The following CYRIB variants were observed in gnomAD, a reference collection of about 807,000 sequenced individuals.
The protein encoded by CYRIB is CYFIP related Rac1 interactor B.
CYRIB carries 8 observed loss-of-function variants against 44.2 expected under a neutral mutation model. The observed-to-expected ratio is 0.18, with a 90% CI of 0.11 to 0.33. CYRIB has a LOEUF of 0.33. Ranked by LOEUF, CYRIB falls within the 10% of genes least tolerant of loss-of-function variation. CYRIB has a pLI of 1.00. For missense variants in CYRIB, 185 were observed against 382.8 expected, an observed-to-expected ratio of 0.48 and a Z score of 4.31; for synonymous variants, 131 against 127.2, an observed-to-expected ratio of 1.03 and a Z score of -0.20.
upstream of CYRIB, among the ~76,000 whole-genome samples, chr8:129,944,532 C>T (rs1033299161): frequency 2.0e-5 from 3 of 152,242 alleles, no homozygotes; most frequent in Admixed American, 1.3e-4. Flanking sequence ...TCTGTAATCC[C>T]AGCAGTGTGA....
chr8:129,997,904 T>C (rs572269009), intron 1 of CYRIB, among the ~76,000 whole-genome samples: 6 of 152,016 alleles, frequency 3.9e-5, no homozygotes, highest in African/African-American at 1.4e-4. Flanking sequence ...GGGCGGATCA[T>C]GAGGTCAAGA....
chr8:129,905,664 C>T (rs1281144625), intron 1 of CYRIB, among the ~76,000 whole-genome samples: 2 of 152,166 alleles, frequency 1.3e-5, no homozygotes, highest in Non-Finnish European at 2.9e-5. Context: ...CTAAGGCCCA[C>T]TGCAGGCTCC....
At chr8:129,990,854 G>A (rs752754602) in intron 1 of CYRIB, among the ~76,000 whole-genome samples, 1 of 152,086 alleles carries the variant, frequency 6.6e-6, no homozygotes, top group Non-Finnish European at 1.5e-5. Flanking sequence ...AACAAGGCCA[G>A]GCACGGTGGC....
At chr8:129,970,853 C>T (rs951833757) in intron 2 of CYRIB, 90 bp downstream of exon 2, 1 of 152,194 alleles carries the variant, frequency 6.6e-6, no homozygotes, top group Non-Finnish European at 1.5e-5. Flanking sequence ...CCATCACCAT[C>T]CACTTTAATT....
At chr8:129,893,094 GA>G (rs367985355) in intron 2 of CYRIB, among the ~76,000 whole-genome samples, 1 of 152,202 alleles carries the variant, frequency 6.6e-6, no homozygotes, top group African/African-American at 2.4e-5. Context: ...ATGTCTCACT[GA>G]AAGATGCCCA....
chr8:129,845,863 A>C (rs935954175), intron 11 of CYRIB, among the ~76,000 whole-genome samples: 8 of 152,242 alleles, frequency 5.3e-5, no homozygotes, highest in Non-Finnish European at 1.0e-4. Context: ...ATGTTCTAGC[A>C]GCTGGGCACA....
intron 1 of CYRIB, among the ~76,000 whole-genome samples, chr8:129,930,365 TTA>T (rs1554659983): frequency 7.9e-5 from 4 of 50,418 alleles, no homozygotes; most frequent in South Asian, 7.1e-4. Flanking sequence ...TGTGAAGTGC[TTA>T]TATATATATA....
chr8:129,978,360 G>A (rs1398080836), intron 1 of CYRIB, among the ~76,000 whole-genome samples: 1 of 152,180 alleles, frequency 6.6e-6, no homozygotes, highest in East Asian at 1.9e-4. Flanking sequence ...TTGTGGGGCA[G>A]GCTTCACACA....
chr8:129,936,937 G>A (rs1263477855), intron 1 of CYRIB, among the ~76,000 whole-genome samples: 1 of 151,944 alleles, frequency 6.6e-6, no homozygotes, highest in African/African-American at 2.4e-5. Flanking sequence ...TCGATCTCCT[G>A]ACCTCGTGAT....
chr8:129,981,122 G>C (rs1464536546), intron 1 of CYRIB, among the ~76,000 whole-genome samples: 5 of 152,272 alleles, frequency 3.3e-5, no homozygotes, highest in Middle Eastern at 3.4e-3. Context: ...TAAACTGAGA[G>C]ACAGAGTTAG....
chr8:129,978,656 G>C (rs954878455), intron 1 of CYRIB, among the ~76,000 whole-genome samples: 1 of 152,168 alleles, frequency 6.6e-6, no homozygotes, highest in African/African-American at 2.4e-5. Context: ...CCATCAATGT[G>C]TGTTATTATT....
intron 2 of CYRIB, among the ~76,000 whole-genome samples, chr8:129,884,503 G>C (rs913647882): frequency 6.6e-6 from 1 of 152,034 alleles, no homozygotes. Flanking sequence ...GGTCAGGCTG[G>C]TCTCAAACTC....
At chr8:129,943,731 T>TGGTG (rs1309737748), upstream of CYRIB, among the ~76,000 whole-genome samples, 23 of 146,814 alleles carry the variant, frequency 1.6e-4, no homozygotes, top group Admixed American at 6.8e-5. Flanking sequence ...CCCGAGCAGC[T>TGGTG]GGGACTACAG....
At chr8:129,914,033 C>A (rs925870211) in intron 1 of CYRIB, among the ~76,000 whole-genome samples, 7 of 152,180 alleles carry the variant, frequency 4.6e-5, no homozygotes, top group Non-Finnish European at 7.3e-5. Flanking sequence ...CATATCACTT[C>A]TTTTAAAGTG....
chr8:129,972,251 C>T (rs2095726020), intron 1 of CYRIB, among the ~76,000 whole-genome samples: 1 of 152,150 alleles, frequency 6.6e-6, no homozygotes, highest in Admixed American at 6.6e-5. Context: ...TGTGGTTTCA[C>T]ATTCCCTTTT....
intron 1 of CYRIB, among the ~76,000 whole-genome samples, chr8:129,980,689 C>A (rs1033027826): frequency 1.8e-4 from 27 of 150,474 alleles, no homozygotes; most frequent in South Asian, 6.3e-4. Flanking sequence ...AAAAAAAAAA[C>A]CATACTATGA....
intron 1 of CYRIB, among the ~76,000 whole-genome samples, chr8:129,930,379 A>ATATATATATATT (rs971468534): frequency 7.7e-6 from 1 of 130,136 alleles, no homozygotes; most frequent in African/African-American, 2.8e-5. Context: ...ATATATATAT[A>ATATATATATATT]TTTTAATTAT....
intron 1 of CYRIB, among the ~76,000 whole-genome samples, chr8:129,987,239 C>A (rs907434937): frequency 4.6e-5 from 7 of 152,206 alleles, no homozygotes; most frequent in Non-Finnish European, 8.8e-5. Context: ...ATCAGCCATG[C>A]CTAACCAGGT....
At chr8:129,879,294 G>A in intron 3 of CYRIB, 95 bp downstream of exon 5, 1 of 837,494 alleles carries the variant, frequency 1.2e-6, no homozygotes. Flanking sequence ...ATGCAAAGCA[G>A]TTAAAAAGAT....
Sources: allele counts gnomAD v4.1 joint callset (sites outside exome capture counted in the v4.1 genomes callset), GRCh38; gene constraint gnomAD v4.1.1; transcripts MANE v1.5; gene names NCBI Gene and HGNC (gene_info 2026-07-23, HGNC 2026-07-21).